Variants in CAST observed in about 807,000 individuals in gnomAD.
CAST encodes MIR583 host.
A neutral mutation model predicts 119.6 loss-of-function variants in CAST; 76 were observed. That is an observed-to-expected ratio of 0.64 (90% CI 0.53 to 0.77). The LOEUF (loss-of-function observed/expected upper bound fraction) is 0.77, where lower values mean the gene tolerates loss of function less well. Among genes scored for constraint, CAST ranks in the 30% least tolerant of loss-of-function variants. The pLI is 0.00. For missense variants in CAST, 953 were observed against 946.5 expected (o/e 1.01, Z -0.09); for synonymous variants, 319 against 331.6 (o/e 0.96, Z 0.41).
intron 3 of CAST, among the ~76,000 whole-genome samples, chr5:96,716,507 A>G (rs772334025): frequency 3.3e-5 from 5 of 152,222 alleles, no homozygotes; most frequent in Non-Finnish European, 7.3e-5. Flanking sequence ...AGCAACTACT[A>G]TGTTAAGGCT....
At chr5:96,453,973 T>C in the CAST span, among the ~76,000 whole-genome samples, 1 of 152,172 alleles carries the variant, frequency 6.6e-6, no homozygotes, top group African/African-American at 2.4e-5. Flanking sequence ...CTGGCCTTGG[T>C]TGGTTCTACT....
At chr5:96,751,142 T>C (rs1764956091) in intron 20 of CAST, among the ~76,000 whole-genome samples, 1 of 152,228 alleles carries the variant, frequency 6.6e-6, no homozygotes, top group Admixed American at 6.5e-5. Flanking sequence ...TGCTTCTCTC[T>C]CACTTTCTAA....
chr5:96,083,670 A>G, the CAST span, among the ~76,000 whole-genome samples: 379 of 152,330 alleles, frequency 2.5e-3, 2 homozygotes, highest in African/African-American at 8.7e-3. Flanking sequence ...GCTTGTTTCC[A>G]TGGTGTTTAA....
At chr5:96,121,967 CT>C in the CAST span, among the ~76,000 whole-genome samples, 1 of 150,598 alleles carries the variant, frequency 6.6e-6, no homozygotes, top group Non-Finnish European at 1.5e-5. Flanking sequence ...GTAAGAATAT[CT>C]TTTCTTCCTT....
the CAST span, among the ~76,000 whole-genome samples, chr5:96,438,006 G>A: frequency 6.6e-6 from 1 of 152,110 alleles, no homozygotes; most frequent in Non-Finnish European, 1.5e-5. Flanking sequence ...TTTTATACAT[G>A]ATAGCAATTC....
chr5:96,640,816 C>G (rs1201876924), intron 1 of CAST, among the ~76,000 whole-genome samples: 4 of 152,308 alleles, frequency 2.6e-5, no homozygotes, highest in South Asian at 2.1e-4. Flanking sequence ...GGAGGTGGCT[C>G]TCTGAAGCTG....
chr5:96,113,464 G>A, the CAST span, among the ~76,000 whole-genome samples: 81 of 152,346 alleles, frequency 5.3e-4, no homozygotes, highest in Middle Eastern at 3.4e-3. Flanking sequence ...GAAATGCACT[G>A]CAAAATATAA....
the CAST span, among the ~76,000 whole-genome samples, chr5:96,144,250 A>G: frequency 6.6e-6 from 1 of 152,226 alleles, no homozygotes; most frequent in Admixed American, 6.5e-5. Context: ...AGAGGCTTCT[A>G]TGTACATATA....
chr5:96,764,250 A>G (rs1309369120), intron 25 of CAST, among the ~76,000 whole-genome samples: 1 of 152,216 alleles, frequency 6.6e-6, no homozygotes, highest in African/African-American at 2.4e-5. Flanking sequence ...ATTGTTTTAA[A>G]TGCCTTTTCA....
chr5:96,107,572 A>G, the CAST span, among the ~76,000 whole-genome samples: 1 of 152,144 alleles, frequency 6.6e-6, no homozygotes. Context: ...TCTGGCTTGT[A>G]GAGTTTCTGC....
intron 22 of CAST, among the ~76,000 whole-genome samples, chr5:96,757,059 A>C (rs1190443788): frequency 1.3e-5 from 2 of 152,170 alleles, no homozygotes; most frequent in Non-Finnish European, 2.9e-5. Context: ...TTTTCCAGAC[A>C]ACCTCTACAA....
the CAST span, among the ~76,000 whole-genome samples, chr5:96,356,487 T>A: frequency 6.6e-6 from 1 of 152,240 alleles, no homozygotes; most frequent in Non-Finnish European, 1.5e-5. Flanking sequence ...AAGTCTTTAA[T>A]CCATCTTGAG....
chr5:96,754,264 A>C, intron 21 of CAST, 103 bp downstream of exon 21: 1 of 772,292 alleles, frequency 1.3e-6, no homozygotes, highest in Admixed American at 2.1e-5. Flanking sequence ...TTCCTGTAAA[A>C]CATGACCAGC....
At chr5:96,540,443 C>T (rs141986112) in intron 1 of CAST, among the ~76,000 whole-genome samples, 50 of 151,998 alleles carry the variant, frequency 3.3e-4, no homozygotes, top group African/African-American at 1.2e-3. Flanking sequence ...TTATTAATGA[C>T]TTTATTTTTA....
the CAST span, among the ~76,000 whole-genome samples, chr5:96,444,533 TTA>T: frequency 7.8e-6 from 1 of 127,534 alleles, no homozygotes; most frequent in Non-Finnish European, 1.6e-5. Flanking sequence ...AAATTATTCT[TTA>T]TCTTATTTAC....
intron 1 of CAST, among the ~76,000 whole-genome samples, chr5:96,564,779 C>T (rs1746438510): frequency 6.6e-6 from 1 of 152,180 alleles, no homozygotes; most frequent in Non-Finnish European, 1.5e-5. Flanking sequence ...GGCATGATGG[C>T]ATGTGCCTGT....
chr5:96,336,315 T>G, the CAST span, among the ~76,000 whole-genome samples: 1 of 152,338 alleles, frequency 6.6e-6, no homozygotes. Context: ...GTTAGTATTA[T>G]AAGGGAAGTT....
At chr5:96,468,487 G>A in the CAST span, among the ~76,000 whole-genome samples, 16 of 151,898 alleles carry the variant, frequency 1.1e-4, no homozygotes, top group Admixed American at 4.0e-4. Flanking sequence ...CCCAAGAAGC[G>A]TTAGCCTTAG....
At chr5:96,331,883 G>A in the CAST span, among the ~76,000 whole-genome samples, 71 of 152,324 alleles carry the variant, frequency 4.7e-4, no homozygotes, top group Middle Eastern at 3.4e-3. Context: ...GATATGGAGA[G>A]GAAAGATGGG....
Sources: allele counts gnomAD v4.1 joint callset (sites outside exome capture counted in the v4.1 genomes callset), GRCh38; gene constraint gnomAD v4.1.1; transcripts MANE v1.5; gene names NCBI Gene and HGNC (gene_info 2026-07-23, HGNC 2026-07-21).